The following CYP4F11 variants were observed in gnomAD, a reference collection of about 807,000 sequenced individuals.
CYP4F11 encodes cytochrome P450 family 4 subfamily F member 11.
A neutral mutation model predicts 62.2 loss-of-function variants in CYP4F11; 79 were observed. The ratio of observed to expected loss-of-function variants is 1.27; its 90% CI spans 1.06 to 1.53. The LOEUF (loss-of-function observed/expected upper bound fraction) is 1.53. Ranked by LOEUF, CYP4F11 falls within the 40% of genes most tolerant of loss-of-function variation. The pLI is 0.00. For missense variants in CYP4F11, 777 were observed against 680.5 expected, an observed-to-expected ratio of 1.14 and a Z score of -1.58; for synonymous variants, 290 against 263.7, an observed-to-expected ratio of 1.10 and a Z score of -0.97.
chr19:15,916,017 A>C (rs2089580991), intron 8 of CYP4F11, among the ~76,000 whole-genome samples: 1 of 152,102 alleles, frequency 6.6e-6, no homozygotes, highest in Non-Finnish European at 1.5e-5. Flanking sequence ...TCTGAATAAA[A>C]GATACATTTC....
chr19:15,914,582 TG>T lies in CYP4F11; in HGVS notation c.1314+19del. On this transcript the variant is annotated intron_variant, in intron 10 of 11. Coordinates refer to ENST00000402119, the MANE Select transcript of CYP4F11 (RefSeq NM_021187.4). Reference sequence around the variant, plus strand: ...ACCTTGGAATGGACTCCAAAAAGGGTGGGGTGAGGGAGGCACTACCTCAGGG... The same window carrying T: ...ACCTTGGAATGGACTCCAAAAAGGGTGGGTGAGGGAGGCACTACCTCAGGG... 6.2e-7 allele frequency: 1 copy of T among 1,613,576 alleles called. No homozygotes were observed. The highest frequency in any genetic ancestry group is 1.1e-5 in the South Asian group (1 of 91,044).
chr19:15,917,523 G>C (rs2089592321), intron 8 of CYP4F11, among the ~76,000 whole-genome samples: 1 of 152,130 alleles, frequency 6.6e-6, no homozygotes, highest in East Asian at 1.9e-4. Context: ...AGGGAGCTCA[G>C]AGACAGATAT....
intron 8 of CYP4F11, among the ~76,000 whole-genome samples, chr19:15,918,679 C>T (rs2089599952): frequency 6.6e-6 from 1 of 152,066 alleles, no homozygotes; most frequent in Admixed American, 6.6e-5. Context: ...AAGTCTGAAA[C>T]AAGCTAAATA....
chr19:15,912,680 A>AAAAAATAT lies in CYP4F11; in HGVS notation c.*1051_*1052insATATTTTT, dbSNP rs59091525. 1.5e-5 allele frequency: 1 copy of AAAAAATAT among 66,172 alleles called. No individual in the cohort carries two copies. Among genetic ancestry groups the AAAAAATAT allele is most frequent in the African/African-American group, 6.4e-5 (1 of 15,512 alleles). 4.1% of individuals were successfully genotyped at this position (66,172 alleles called of 1,614,324 possible). On this transcript the variant is annotated 3_prime_UTR_variant, in exon 12 of 12. Coordinates refer to ENST00000402119, the MANE Select transcript of CYP4F11 (RefSeq NM_021187.4). ...TCACCATCCTCAGGAAAAAAAAAAAAATATATATATATATATATGTGTGTG... is the reference window on the plus strand; with the variant it reads ...TCACCATCCTCAGGAAAAAAAAAAAAAAAAATATATATATATATATATATATGTGTGTG...
chr19:15,913,316 T>G lies in CYP4F11; in HGVS notation c.*416A>C. On this transcript the variant is annotated 3_prime_UTR_variant, in exon 12 of 12. Transcript: ENST00000402119. ...GGTGGAAGCTGCACCCCTTTCCCTTTGTTCTGAGCTGAGGACTCCAGTCTT... is the reference window on the plus strand; with the variant it reads ...GGTGGAAGCTGCACCCCTTTCCCTTGGTTCTGAGCTGAGGACTCCAGTCTT... The G allele has an allele frequency of 5.8e-6, 1 of 173,790 alleles. No homozygotes were observed. Among genetic ancestry groups the G allele is most frequent in the South Asian group, 1.1e-4 (1 of 8,874 alleles). The allele number at this position is 173,790 out of a possible 1,614,324, so 10.8% of individuals were successfully genotyped here.
Position 15,913,491 on chromosome 19 carries a change from T to TA in CYP4F11, c.*240dup. 1 of 544,018 alleles carries TA rather than the reference T, an allele frequency of 1.8e-6. No homozygotes were observed. Among genetic ancestry groups the TA allele is most frequent in the Non-Finnish European group, 3.3e-6 (1 of 303,680 alleles). 33.7% of individuals were successfully genotyped at this position (544,018 alleles called of 1,614,324 possible). On this transcript the variant is annotated 3_prime_UTR_variant, in exon 12 of 12. Coordinates refer to ENST00000402119, the MANE Select transcript of CYP4F11 (RefSeq NM_021187.4). Reference sequence around the variant, plus strand: ...CCAGGGCTCCCTACTGCCCACAGGATAAAGTTTTTACTTGGGCTCTGGGAG... The same window carrying TA: ...CCAGGGCTCCCTACTGCCCACAGGATAAAAGTTTTTACTTGGGCTCTGGGAG...
rs140718122 is a variant in CYP4F11, at chr19:15,914,775, G to C, written c.1236C>G (p.Arg412=). Residue 412 remains arginine, a synonymous_variant, in exon 9 of 12, where the codon CGC becomes CGG. Coordinates refer to ENST00000402119, the MANE Select transcript of CYP4F11 (RefSeq NM_021187.4). ...GGCTGTGAGCACCTTTGGGGATGAC[G>C]CGGCCGTCTGGGAGCACAAAGTCCT... ...CTQDFVLPDG[R]VIPKGIVCLI... 5 of 1,614,186 alleles carry C rather than the reference G, an allele frequency of 3.1e-6. No homozygotes were observed. Among genetic ancestry groups the C allele is most frequent in the South Asian group, 1.1e-5 (1 of 91,080 alleles).
chr19:15,923,117 G>A (rs2089641224), intron 6 of CYP4F11, among the ~76,000 whole-genome samples: 1 of 152,196 alleles, frequency 6.6e-6, no homozygotes, highest in South Asian at 2.1e-4. Flanking sequence ...ATTCTAGAGT[G>A]GTAAACTCAG....
intron 4 of CYP4F11, among the ~76,000 whole-genome samples, chr19:15,925,960 C>T (rs573373245): frequency 6.6e-6 from 1 of 151,562 alleles, no homozygotes; most frequent in South Asian, 2.1e-4. Context: ...GTCAGGAGAT[C>T]GAGACAATCC....
At chr19:15,924,958 G>A in intron 4 of CYP4F11, 76 bp from the exon 5 acceptor site, 1 of 1,485,242 alleles carries the variant, frequency 6.7e-7, no homozygotes, top group Non-Finnish European at 9.0e-7. Context: ...ACATCAAGAT[G>A]GACTCCCTGC....
In CYP4F11 at chr19:15,929,468, G is replaced by T. The variant is rs371687949; in HGVS notation, c.332C>A (p.Thr111Asn). The T allele has an allele frequency of 8.9e-5, 143 of 1,614,018 alleles. No individual in the cohort carries two copies. The highest frequency in any genetic ancestry group is 1.1e-4 in the Non-Finnish European group (132 of 1,180,036). Residue 111 changes from threonine (T) to asparagine (N), a missense_variant, in exon 2 of 12, where the codon ACC becomes AAC. By Grantham distance (65) the Thr-to-Asn change is moderately conservative. Coordinates refer to ENST00000402119, the MANE Select transcript of CYP4F11 (RefSeq NM_021187.4). ...LCHPDIIRPITSASAAVAPKD... is the reference protein window; with the variant it reads ...LCHPDIIRPINSASAAVAPKD... ...CTCTGCACGGGTACCTGAGGCACTGGTGATAGGCCGGATAATGTCAGGGTG... is the reference window on the plus strand; with the variant it reads ...CTCTGCACGGGTACCTGAGGCACTGTTGATAGGCCGGATAATGTCAGGGTG...
chr19:15,915,403 C>G (rs2089576581), intron 8 of CYP4F11, among the ~76,000 whole-genome samples: 1 of 152,048 alleles, frequency 6.6e-6, no homozygotes, highest in Admixed American at 6.5e-5. Context: ...CATTTAAGAC[C>G]CAGTAAGGGA....
At position 15,930,950 on chromosome 19, in the gene CYP4F11, C is replaced by G. The variant is rs371485736; in HGVS notation, c.199-1349G>C. On this transcript the variant is annotated intron_variant, in intron 1 of 11. Transcript: ENST00000402119. The stretch of plus-strand genomic sequence containing the variant: ...TCTGTGCTAGTGTGTCCTATTCACC[C>G]TCCACTGCACCGATGGACACGCCCA... Among the ~76,000 whole-genome samples the G allele has an allele frequency of 5.3e-4, 80 of 152,310 alleles. 1 individual carries two copies. The highest frequency in any genetic ancestry group is 6.8e-3 in the Middle Eastern group (2 of 294).
At position 15,919,353 on chromosome 19, in the gene CYP4F11, GGATAGATA is replaced by G. The variant is rs3056075; in HGVS notation, c.1115+2676_1115+2683del. Among the ~76,000 whole-genome samples the G allele has an allele frequency of 1.2e-3, 180 of 149,752 alleles. 1 individual carries two copies. Among genetic ancestry groups the G allele is most frequent in the Middle Eastern group, 3.5e-3 (1 of 288 alleles). Reference sequence around the variant, plus strand: ...AGATGATATAGATAGATCGATGGATGGATAGATAGATAGATAGATAGACAAGAAGGATG... The same window carrying G: ...AGATGATATAGATAGATCGATGGATGGATAGATAGATAGACAAGAAGGATG... On this transcript the variant is annotated intron_variant, in intron 8 of 11. Transcript: ENST00000402119.
chr19:15,922,685 G>A (rs191232751), intron 6 of CYP4F11, among the ~76,000 whole-genome samples: 1 of 152,290 alleles, frequency 6.6e-6, no homozygotes, highest in African/African-American at 2.4e-5. Context: ...CGAATAATGA[G>A]GACTTTTGGA....
chr19:15,916,874 GA>G (rs570949242), intron 8 of CYP4F11, among the ~76,000 whole-genome samples: 69 of 152,244 alleles, frequency 4.5e-4, no homozygotes, highest in Non-Finnish European at 8.7e-4. Flanking sequence ...AGATTCCTTA[GA>G]GAACTAAACG....
intron 2 of CYP4F11, 92 bp downstream of exon 2, chr19:15,929,365 C>T: frequency 6.4e-7 from 1 of 1,553,250 alleles, no homozygotes; most frequent in South Asian, 1.1e-5. Context: ...GGCCTGGGCC[C>T]TGCAGGGGCC....
chr19:15,934,343 C>G lies in CYP4F11; in HGVS notation c.66G>C (p.Leu22=). 6.2e-7 allele frequency: 1 copy of G among 1,613,390 alleles called. No homozygotes were observed. The highest frequency in any genetic ancestry group is 8.5e-7 in the Non-Finnish European group (1 of 1,179,654). Residue 22 remains leucine (L), a synonymous_variant, in exon 1 of 12, where the codon CTG becomes CTC. Transcript: ENST00000402119. ...GGAGCCAGGAGCCTCCAACCAGCAGCAGAAGCAGCCACGGGGATGCTGCCA... is the reference window on the plus strand; with the variant it reads ...GGAGCCAGGAGCCTCCAACCAGCAGGAGAAGCAGCCACGGGGATGCTGCCA... ...GPVAASPWLL[L]LLVGGSWLLA...
chr19:15,921,070 CT>C (rs1874915475), intron 8 of CYP4F11, among the ~76,000 whole-genome samples: 2 of 8,478 alleles, frequency 2.4e-4, no homozygotes, highest in African/African-American at 7.0e-4. Flanking sequence ...CTCTCTCTCT[CT>C]CTCTCTCTCT....
Sources: allele counts gnomAD v4.1 joint callset (sites outside exome capture counted in the v4.1 genomes callset), GRCh38; gene constraint gnomAD v4.1.1; transcripts MANE v1.5; gene names NCBI Gene and HGNC (gene_info 2026-07-23, HGNC 2026-07-21).